The following PCYT2 variants were observed in gnomAD, a reference collection of about 807,000 sequenced individuals.
PCYT2 encodes the protein phosphate cytidylyltransferase 2, ethanolamine, also known as ethanolamine-phosphate cytidylyltransferase.
In PCYT2, 33 loss-of-function variants were observed where a neutral mutation model predicts 50.0. The observed-to-expected ratio is 0.66, with a 90% CI of 0.50 to 0.88. The LOEUF is 0.88. Ranked by LOEUF, PCYT2 falls within the 40% of genes least tolerant of loss-of-function variation. The pLI is 0.00. For synonymous variants in PCYT2, 240 were observed against 203.7 expected (o/e 1.18, Z -1.52); for missense variants, 430 against 519.7 (o/e 0.83, Z 1.68).
At chr17:81,910,932 AC>A (rs1337893767) in intron 1 of PCYT2, 45 of 988,140 alleles carry the variant, frequency 4.6e-5, no homozygotes, top group Non-Finnish European at 5.4e-5. Context: ...GGCCAGGGGA[AC>A]CCCTGGACCG....
At chr17:81,909,265 CT>C in intron 2 of PCYT2, 1 of 1,430,816 alleles carries the variant, frequency 7.0e-7, no homozygotes, top group Admixed American at 2.8e-5. Context: ...TGCTCAGCCC[CT>C]GAAGGCTTGG....
chr17:81,909,332 A>G, intron 2 of PCYT2, 182 bp downstream of exon 2: 1 of 1,434,112 alleles, frequency 7.0e-7, no homozygotes, highest in East Asian at 2.5e-5. Flanking sequence ...CTGGGACAGG[A>G]AATGCAAGAT....
At chr17:81,908,263 TA>T (rs1167786758) in intron 4 of PCYT2, among the ~76,000 whole-genome samples, 1 of 152,192 alleles carries the variant, frequency 6.6e-6, no homozygotes, top group Non-Finnish European at 1.5e-5. Flanking sequence ...TGACGTCTGG[TA>T]ATTCAGATAT....
chr17:81,910,422 G>A (rs1389968461), intron 1 of PCYT2, among the ~76,000 whole-genome samples: 1 of 152,234 alleles, frequency 6.6e-6, no homozygotes, highest in African/African-American at 2.4e-5. Flanking sequence ...CAGCACCCCT[G>A]CCACAGTGCG....
rs1429299967 is a variant in PCYT2, at chr17:81,906,446, G to A, written c.759+18C>T. On this transcript the variant is annotated intron_variant, in intron 8 of 12. Coordinates refer to ENST00000538936, the MANE Select transcript of PCYT2 (RefSeq NM_002861.5). Reference sequence around the variant, plus strand: ...CCCATCAGCTGCCCAGGGGCCCAGGGAGCAAGAAGGCAGTGACCTGGTCAA... The same window carrying A: ...CCCATCAGCTGCCCAGGGGCCCAGGAAGCAAGAAGGCAGTGACCTGGTCAA... The A allele has an allele frequency of 1.9e-6, 3 of 1,610,264 alleles. No homozygotes were observed. Among genetic ancestry groups the A allele is most frequent in the Admixed American group, 1.7e-5 (1 of 60,012 alleles).
intron 2 of PCYT2, 155 bp from the exon 3 acceptor site, chr17:81,909,192 C>A: frequency 2.8e-6 from 4 of 1,449,152 alleles, no homozygotes; most frequent in Non-Finnish European, 3.6e-6. Flanking sequence ...TGCTGGCCAA[C>A]TGGGTGGCTC....
Position 81,905,682 on chromosome 17 carries a change from TAGG to T in PCYT2, c.888_890del (p.Leu297del). On this transcript the variant is annotated inframe_deletion, in exon 10 of 13. Transcript: ENST00000538936. ...TGCGGAGCCTCACCTTGAAGTGACT[TAGG>T]AGCTCTGCTGTGACCGCGTACGGGG... The T allele has an allele frequency of 6.2e-7, 1 of 1,613,426 alleles. No homozygotes were observed.
At chr17:81,908,518 G>A in intron 4 of PCYT2, 50 bp downstream of exon 4, 1 of 1,411,664 alleles carries the variant, frequency 7.1e-7, no homozygotes, top group African/African-American at 1.4e-5. Context: ...AGCCAGGAGG[G>A]AGCCCCGTGT....
rs2040099789 is a variant in PCYT2, at chr17:81,904,042, C to T, written c.*791G>A. The T allele has an allele frequency of 1.3e-5, 2 of 152,262 alleles. No homozygotes were observed. The highest frequency in any genetic ancestry group is 2.4e-5 in the African/African-American group (1 of 41,466). 9.4% of individuals were successfully genotyped at this position (152,262 alleles called of 1,614,324 possible). On this transcript the variant is annotated 3_prime_UTR_variant, in exon 13 of 13. Coordinates refer to ENST00000538936, the MANE Select transcript of PCYT2 (RefSeq NM_002861.5). ...GGCAAGGAGCCTCAGCTCTGGCTCT[C>T]CTCCTTATTCTAGCATCGCCTGCTA...
intron 8 of PCYT2, 101 bp from the exon 9 acceptor site, chr17:81,906,278 C>T (rs1272578583): frequency 2.3e-5 from 28 of 1,219,868 alleles, no homozygotes; most frequent in East Asian, 5.1e-5. Flanking sequence ...GGAGGTTGCT[C>T]GCCCTTGTGG....
chr17:81,902,333 C>A lies in PCYT2; in HGVS notation c.*2500G>T. 1 of 1,339,984 alleles carries A rather than the reference C, an allele frequency of 7.5e-7. No homozygotes were observed. Among genetic ancestry groups the A allele is most frequent in the South Asian group, 2.0e-5 (1 of 49,536 alleles). 83.0% of individuals were successfully genotyped at this position (1,339,984 alleles called of 1,614,324 possible). On this transcript the variant is annotated 3_prime_UTR_variant, in exon 13 of 13. Coordinates refer to ENST00000538936, the MANE Select transcript of PCYT2 (RefSeq NM_002861.5). The stretch of plus-strand genomic sequence containing the variant: ...GCCCTGGCGCTGTGCCTGCTGCTGG[C>A]GCCGCCTGGCCTCGCGTGGTACAAG...
chr17:81,904,836 G>C lies in PCYT2; in HGVS notation c.1167C>G (p.Phe389Leu). 2.5e-6 allele frequency: 4 copies of C among 1,604,472 alleles called. No individual in the cohort carries two copies. The highest frequency in any genetic ancestry group is 3.4e-6 in the Non-Finnish European group (4 of 1,173,892). ...GCCGGCCAGGGCCTCTGCCAGGTTA[G>C]AAGTCACCATCGCGCTCCCCCAGGG... ...AQPLGERDGD[F>L] Residue 389 changes from phenylalanine to leucine, a missense_variant, in exon 13 of 13, where the codon TTC becomes TTG. By Grantham distance (22) the Phe-to-Leu change is conservative. Coordinates refer to ENST00000538936, the MANE Select transcript of PCYT2 (RefSeq NM_002861.5).
At position 81,902,168 on chromosome 17, in the gene PCYT2, C is replaced by T. The variant is rs937805052; in HGVS notation, c.*2665G>A. 6.6e-6 allele frequency: 7 copies of T among 1,062,100 alleles called. No individual in the cohort carries two copies. Among genetic ancestry groups the T allele is most frequent in the East Asian group, 3.8e-5 (1 of 26,282 alleles). The allele number at this position is 1,062,100 out of a possible 1,614,324, so 65.8% of individuals were successfully genotyped here. A position where few individuals can be genotyped will look rare whatever the true frequency, so the allele number is the denominator to read the frequency against. ...GCTGCACCCCAGCCCGCCCGCCGCC[C>T]CTCCCGGCCCTCCGCAGCCTCGGCC... On this transcript the variant is annotated 3_prime_UTR_variant, in exon 13 of 13. Coordinates refer to ENST00000538936, the MANE Select transcript of PCYT2 (RefSeq NM_002861.5).
rs565601619 is a variant in PCYT2, at chr17:81,902,260, C to T, written c.*2573G>A. 3.6e-5 allele frequency: 45 copies of T among 1,240,902 alleles called. No individual in the cohort carries two copies. In the East Asian group the frequency reaches 1.3e-3, roughly 37 times the overall value. 76.9% of individuals were successfully genotyped at this position (1,240,902 alleles called of 1,614,324 possible). The stretch of plus-strand genomic sequence containing the variant: ...TCCGAGCCCGGACGCCGCCGCCCAC[C>T]AGTCAGCCGGCGTCCCCATGGCCCG... On this transcript the variant is annotated 3_prime_UTR_variant, in exon 13 of 13. Coordinates refer to ENST00000538936, the MANE Select transcript of PCYT2 (RefSeq NM_002861.5).
At chr17:81,907,621 G>T (rs1383088780) in intron 5 of PCYT2, 23 bp from the exon 6 acceptor site, 16 of 1,610,226 alleles carry the variant, frequency 9.9e-6, no homozygotes, top group Non-Finnish European at 1.4e-5. Flanking sequence ...TCAGAGCAGG[G>T]CTGAGGGGCC....
chr17:81,902,586 G>A lies in PCYT2; in HGVS notation c.*2247C>T, dbSNP rs1402828112. Reference sequence around the variant, plus strand: ...GCGGCAGGACGTGGGTGGGGGTGCGGCGGCCCCTCAGCCTTTGCTTGCCTG... The same window carrying A: ...GCGGCAGGACGTGGGTGGGGGTGCGACGGCCCCTCAGCCTTTGCTTGCCTG... On this transcript the variant is annotated 3_prime_UTR_variant, in exon 13 of 13. Transcript: ENST00000538936. 1.3e-6 allele frequency: 2 copies of A among 1,523,828 alleles called. No individual in the cohort carries two copies. The highest frequency in any genetic ancestry group is 1.8e-6 in the Non-Finnish European group (2 of 1,141,418). The allele number at this position is 1,523,828 out of a possible 1,614,324, so 94.4% of individuals were successfully genotyped here. A position where few individuals can be genotyped will look rare whatever the true frequency, so the allele number is the denominator to read the frequency against.
chr17:81,905,388 T>G lies in PCYT2; in HGVS notation c.963A>C (p.Pro321=), dbSNP rs2040199818. The G allele has an allele frequency of 1.9e-6, 3 of 1,558,882 alleles. No homozygotes were observed. The highest frequency in any genetic ancestry group is 1.7e-6 in the Non-Finnish European group (2 of 1,151,352). Residue 321 remains proline, a synonymous_variant, in exon 11 of 13, where the codon CCA becomes CCC. Coordinates refer to ENST00000538936, the MANE Select transcript of PCYT2 (RefSeq NM_002861.5). ...AAGGGCCAGCATGACCCACCTGGTATGGGTCGGAGCCATCCCTGTCAGGGA... is the reference window on the plus strand; with the variant it reads ...AAGGGCCAGCATGACCCACCTGGTAGGGGTCGGAGCCATCCCTGTCAGGGA... The part of the protein sequence containing the change: ...EIIPDRDGSD[P]YQEPKRRGIF...
chr17:81,910,777 C>T (rs2040552211), intron 1 of PCYT2: 5 of 594,330 alleles, frequency 8.4e-6, no homozygotes, highest in African/African-American at 2.0e-5. Flanking sequence ...CGAAACTTTT[C>T]TTAAAACAAT....
chr17:81,905,363 A>G lies in PCYT2; in HGVS notation c.969+19T>C. ...GCCAATGGCAACCCCTGTGCCCAGCAAGGGCCAGCATGACCCACCTGGTAT... is the reference window on the plus strand; with the variant it reads ...GCCAATGGCAACCCCTGTGCCCAGCGAGGGCCAGCATGACCCACCTGGTAT... On this transcript the variant is annotated intron_variant, in intron 11 of 12. Coordinates refer to ENST00000538936, the MANE Select transcript of PCYT2 (RefSeq NM_002861.5). The G allele has an allele frequency of 6.4e-7, 1 of 1,551,052 alleles. No homozygotes were observed. The highest frequency in any genetic ancestry group is 1.7e-4 in the Middle Eastern group (1 of 5,994).
Sources: allele counts gnomAD v4.1 joint callset (sites outside exome capture counted in the v4.1 genomes callset), GRCh38; gene constraint gnomAD v4.1.1; transcripts MANE v1.5; gene names NCBI Gene and HGNC (gene_info 2026-07-23, HGNC 2026-07-21).